PIK3AP1: variants seen among roughly 807,000 people sequenced by gnomAD.
PIK3AP1 encodes the protein phosphoinositide-3-kinase adaptor protein 1.
A neutral mutation model predicts 88.1 loss-of-function variants in PIK3AP1; 21 were observed. The observed-to-expected ratio is 0.24, with a 90% CI of 0.17 to 0.34. The LOEUF is 0.34. Ranked by LOEUF, PIK3AP1 falls within the 10% of genes least tolerant of loss-of-function variation. PIK3AP1 has a pLI of 1.00. For missense variants in PIK3AP1, 828 were observed against 1,035.7 expected, an observed-to-expected ratio of 0.80 and a Z score of 2.75; for synonymous variants, 398 against 400.0, an observed-to-expected ratio of 1.00 and a Z score of 0.06.
At chr10:96,660,232 C>T (rs1564974373) in intron 2 of PIK3AP1, among the ~76,000 whole-genome samples, 1 of 151,866 alleles carries the variant, frequency 6.6e-6, no homozygotes, top group African/African-American at 2.4e-5. Flanking sequence ...AATACTTGTA[C>T]CCAAAATATA....
Position 96,611,883 on chromosome 10 carries a change from G to A in PIK3AP1, c.2015-2016C>T, listed in dbSNP as rs1849115849. On this transcript the variant is annotated intron_variant, in intron 13 of 16. Coordinates refer to ENST00000339364, the MANE Select transcript of PIK3AP1 (RefSeq NM_152309.3). ...AGTAAAATACACAGGAAAAAATAGG[G>A]AGTCAAAAGTTCAAAAAATCAGGTA... is the stretch of plus-strand genomic sequence containing the variant. Among the ~76,000 whole-genome samples the A allele has an allele frequency of 3.3e-5, 5 of 152,218 alleles. No homozygotes were observed. In the South Asian group the frequency reaches 8.3e-4, roughly 25 times the overall value.
At chr10:96,607,542 C>T (rs774410861) in intron 14 of PIK3AP1, among the ~76,000 whole-genome samples, 5 of 152,182 alleles carry the variant, frequency 3.3e-5, no homozygotes, top group Non-Finnish European at 5.9e-5. Context: ...TTGTATGCTC[C>T]TGCCCCCTGC....
rs780313623 is a variant in PIK3AP1, at chr10:96,595,419, G to A, written c.*158C>T. The A allele has an allele frequency of 1.4e-4, 109 of 766,986 alleles. No homozygotes were observed. Among genetic ancestry groups the A allele is most frequent in the Non-Finnish European group, 2.0e-4 (97 of 477,930 alleles). The allele number at this position is 766,986 out of a possible 1,614,324, so 47.5% of individuals were successfully genotyped here. On this transcript the variant is annotated 3_prime_UTR_variant, in exon 17 of 17. Transcript: ENST00000339364. ...TTCTTCGTGCCTTAATAAAATCTTCGAGGCAAGCCCAAACCAGCAGGGCTG... is the reference window on the plus strand; with the variant it reads ...TTCTTCGTGCCTTAATAAAATCTTCAAGGCAAGCCCAAACCAGCAGGGCTG...
At chr10:96,604,183 G>A in intron 14 of PIK3AP1, 134 bp from the exon 15 acceptor site, 1 of 724,742 alleles carries the variant, frequency 1.4e-6, no homozygotes, top group Non-Finnish European at 2.1e-6. Context: ...TTCAAACTTT[G>A]GCCATCTTAT....
Position 96,720,272 on chromosome 10 carries a change from T to C in PIK3AP1, c.13+110A>G, listed in dbSNP as rs1844554112. 5.6e-6 allele frequency: 6 copies of C among 1,074,926 alleles called. No homozygotes were observed. Among genetic ancestry groups the C allele is most frequent in the Non-Finnish European group, 2.4e-6 (2 of 839,502 alleles). 66.6% of individuals were successfully genotyped at this position (1,074,926 alleles called of 1,614,324 possible). On this transcript the variant is annotated intron_variant, in intron 1 of 16. Transcript: ENST00000339364. The surrounding 1 kb of genome is among the most constrained non-coding windows in gnomAD (Gnocchi z 4.6). ...AGAAAAGAGCAGAAAGAGGGCAAGA[T>C]CCCCGCACAGAGGACGCAAACAGAA...
Position 96,606,135 on chromosome 10 carries a change from G to A in PIK3AP1, c.2171-2086C>T, listed in dbSNP as rs796145334. ...CATGTGATCCTGTCTCTTTCTACTC[G>A]TTACCCATACACAACACTGTTCAAG... is the stretch of plus-strand genomic sequence containing the variant. On this transcript the variant is annotated intron_variant, in intron 14 of 16. Coordinates refer to ENST00000339364, the MANE Select transcript of PIK3AP1 (RefSeq NM_152309.3). 5.5e-4 allele frequency among the ~76,000 whole-genome samples: 83 copies of A among 151,908 alleles called. 1 individual carries two copies. Among genetic ancestry groups the A allele is most frequent in the African/African-American group, 1.9e-3 (80 of 41,430 alleles).
At chr10:96,671,046 G>C (rs1432753198) in intron 2 of PIK3AP1, among the ~76,000 whole-genome samples, 1 of 152,212 alleles carries the variant, frequency 6.6e-6, no homozygotes, top group Non-Finnish European at 1.5e-5. Context: ...TGATTCTGAA[G>C]TAGGCTATAA....
chr10:96,635,360 TATTGAGTCTCTAG>T (rs369944740), intron 8 of PIK3AP1, among the ~76,000 whole-genome samples: 143 of 152,312 alleles, frequency 9.4e-4, no homozygotes, highest in African/African-American at 3.4e-3. Flanking sequence ...ATATAGACAT[TATTGAGTCTCTAG>T]ATGTGCACTG....
intron 1 of PIK3AP1, among the ~76,000 whole-genome samples, chr10:96,714,667 T>C (rs140519916): frequency 5.0e-4 from 76 of 152,342 alleles, no homozygotes; most frequent in African/African-American, 1.8e-3. Context: ...GAGCATCTTG[T>C]AGTGCCAGAA....
chr10:96,670,596 G>GGAA (rs1843832897), intron 2 of PIK3AP1, among the ~76,000 whole-genome samples: 1 of 152,176 alleles, frequency 6.6e-6, no homozygotes, highest in Non-Finnish European at 1.5e-5. Flanking sequence ...TCTATATGGG[G>GGAA]GAAGGGCTGT....
chr10:96,685,570 G>A (rs929500532), intron 2 of PIK3AP1, among the ~76,000 whole-genome samples: 2 of 152,200 alleles, frequency 1.3e-5, no homozygotes, highest in East Asian at 1.9e-4. Flanking sequence ...ACAGCCCTGC[G>A]AGGTGTGCAT....
At position 96,656,861 on chromosome 10, in the gene PIK3AP1, G is replaced by C. The variant is rs143102361; in HGVS notation, c.504C>G (p.Asn168Lys). 1 of 1,614,142 alleles carries C rather than the reference G, an allele frequency of 6.2e-7. No homozygotes were observed. Among genetic ancestry groups the C allele is most frequent in the Admixed American group, 1.7e-5 (1 of 60,020 alleles). The stretch of plus-strand genomic sequence containing the variant: ...TCCCAGGTGAAGTCACCGTCGGCAG[G>C]TTCTGCTGCTTCGAGTAGGAAACAA... ...EKVVSYSKQQ[N>K]LPTVTSPGNL... Residue 168 changes from asparagine to lysine, a missense_variant, in exon 3 of 17, where the codon AAC becomes AAG. By Grantham distance (94) the Asn-to-Lys change is moderately conservative. Transcript: ENST00000339364.
intron 2 of PIK3AP1, among the ~76,000 whole-genome samples, chr10:96,658,293 C>T (rs1564973737): frequency 1.3e-5 from 2 of 152,084 alleles, no homozygotes; most frequent in Non-Finnish European, 2.9e-5. Context: ...ATTCCTGCAG[C>T]CTGGTTTCCT....
intron 10 of PIK3AP1, among the ~76,000 whole-genome samples, chr10:96,623,835 A>ATGGAAAATGTGAGCCTTAAAAT (rs1299396667): frequency 3.9e-5 from 6 of 152,258 alleles, no homozygotes; most frequent in Non-Finnish European, 7.3e-5. Context: ...GAAGCTAGCC[A>ATGGAAAATGTGAGCCTTAAAAT]TGGAAAATGT....
At chr10:96,667,032 C>T (rs772886057) in intron 2 of PIK3AP1, among the ~76,000 whole-genome samples, 5 of 152,188 alleles carry the variant, frequency 3.3e-5, no homozygotes, top group East Asian at 3.8e-4. Context: ...TGCCTTGTTC[C>T]GAGCAATGCT....
chr10:96,665,018 G>A (rs1003369904), intron 2 of PIK3AP1, among the ~76,000 whole-genome samples: 7 of 144,058 alleles, frequency 4.9e-5, no homozygotes, highest in East Asian at 1.9e-4. Context: ...ACCACTTCCC[G>A]CTTTGAAGAT....
In PIK3AP1 at chr10:96,709,647, T is replaced by A; in HGVS notation, c.350A>T (p.Asp117Val). 1 of 1,614,170 alleles carries A rather than the reference T, an allele frequency of 6.2e-7. No individual in the cohort carries two copies. The highest frequency in any genetic ancestry group is 8.5e-7 in the Non-Finnish European group (1 of 1,180,028). Residue 117 changes from aspartate to valine, a missense_variant, in exon 2 of 17, where the codon GAT becomes GTT. Physicochemically the swap from Asp to Val is radical, Grantham distance 152. Around this residue, in one of 3 missense-constraint regions of PIK3AP1, gnomAD observed 610 missense variants for 760.1 expected, o/e 0.80. Coordinates refer to ENST00000339364, the MANE Select transcript of PIK3AP1 (RefSeq NM_152309.3). ...GGTGAGCTCCTGCCAATGGGCCCAA[T>A]CTGGAAAGAAGTCTAGGAACTCCTC... ...DSEEFLDFFP[D>V]WAHWQELTCD...
rs2134171856 is a variant in PIK3AP1 at position 96,594,787 on chromosome 10, T to G, written c.*790A>C. ...CAAATTGGAAAGAAAACAAACAAAC[T>G]TGGTAGTCTCATGCCTGGGAGATAC... On this transcript the variant is annotated 3_prime_UTR_variant, in exon 17 of 17. Coordinates refer to ENST00000339364, the MANE Select transcript of PIK3AP1 (RefSeq NM_152309.3). The surrounding 1 kb of genome is among the most constrained non-coding windows in gnomAD (Gnocchi z 4.6). The G allele has an allele frequency of 6.6e-6, 1 of 152,318 alleles. No individual in the cohort carries two copies. The highest frequency in any genetic ancestry group is 1.5e-5 in the Non-Finnish European group (1 of 68,028). 9.4% of individuals were successfully genotyped at this position (152,318 alleles called of 1,614,324 possible).
intron 8 of PIK3AP1, among the ~76,000 whole-genome samples, chr10:96,633,694 T>C: frequency 6.6e-6 from 1 of 152,268 alleles, no homozygotes. Context: ...GAACCCAAGT[T>C]TTCTGCCTTC....
Sources: allele counts gnomAD v4.1 joint callset (sites outside exome capture counted in the v4.1 genomes callset), GRCh38; gene constraint gnomAD v4.1.1; regional missense constraint gnomAD v4.1.1; non-coding constraint Gnocchi (gnomAD v3.1); transcripts MANE v1.5; gene names NCBI Gene and HGNC (gene_info 2026-07-23, HGNC 2026-07-21).